KIF13A: variants seen among roughly 807,000 people sequenced by gnomAD.
The protein encoded by KIF13A is kinesin-like protein KIF13A.
In KIF13A, 79 loss-of-function variants were observed where a neutral mutation model predicts 212.2. That is an observed-to-expected ratio of 0.37 (90% CI 0.31 to 0.45). The LOEUF (loss-of-function observed/expected upper bound fraction) is 0.45, where lower values mean the gene tolerates loss of function less well. KIF13A is among the 20% of genes least tolerant of loss of function. KIF13A has a pLI of 1.00. For synonymous variants in KIF13A, 789 were observed against 808.6 expected (o/e 0.98, Z 0.41); for missense variants, 1,901 against 2,209.0 (o/e 0.86, Z 2.79).
chr6:17,912,811 C>T lies in KIF13A; in HGVS notation c.147-14631G>A, dbSNP rs1774189815. On this transcript the variant is annotated intron_variant, in intron 2 of 38. Coordinates refer to ENST00000259711, the MANE Select transcript of KIF13A (RefSeq NM_022113.6). This position sits in a 1 kb window ranked among gnomAD's most constrained non-coding sequence, Gnocchi z 4.2. Reference sequence around the variant, plus strand: ...TCATGGTATCCTCCCTGTCCAGGTACTGGCCTCTGAACAGAGAAACTCCAA... The same window carrying T: ...TCATGGTATCCTCCCTGTCCAGGTATTGGCCTCTGAACAGAGAAACTCCAA... Among the ~76,000 whole-genome samples the T allele has an allele frequency of 6.6e-6, 1 of 152,186 alleles. No individual in the cohort carries two copies. The highest frequency in any genetic ancestry group is 2.1e-4 in the South Asian group (1 of 4,830).
In KIF13A at chr6:17,771,218, T is replaced by C. The variant is rs1051708893; in HGVS notation, c.4477A>G (p.Ser1493Gly). 6.8e-6 allele frequency: 11 copies of C among 1,607,364 alleles called. No individual in the cohort carries two copies. The African/African-American group carries it at 1.3e-4, about 20-fold the overall frequency. Residue 1493 changes from serine (S) to glycine (G), a missense_variant and splice_region_variant, in exon 38 of 39, where the codon AGC (serine) becomes GGC (glycine). Coordinates refer to ENST00000259711, the MANE Select transcript of KIF13A (RefSeq NM_022113.6). The surrounding 1 kb of genome is among the most constrained non-coding windows in gnomAD (Gnocchi z 5.4). ...TTATGTGCCTGAGGTGGAGGCATGC[T>C]CTGCAAAGGTTAAGACACACAGATG... Reference protein sequence around the residue: ...LEARPLLSQESMPPPQAHNPG... With the variant: ...LEARPLLSQEGMPPPQAHNPG...
intron 2 of KIF13A, among the ~76,000 whole-genome samples, chr6:17,962,584 C>T (rs1159301040): frequency 1.3e-5 from 2 of 152,094 alleles, no homozygotes; most frequent in African/African-American, 2.4e-5. Context: ...ACCATCTGTA[C>T]CGGCCCTGCC....
chr6:17,842,561 A>G (rs1766627315), intron 9 of KIF13A, among the ~76,000 whole-genome samples: 1 of 152,356 alleles, frequency 6.6e-6, no homozygotes, highest in African/African-American at 2.4e-5. Context: ...ATTCTACTAA[A>G]GCACAGCTCC....
intron 2 of KIF13A, among the ~76,000 whole-genome samples, chr6:17,944,515 T>C (rs980058679): frequency 1.8e-4 from 27 of 152,120 alleles, no homozygotes; most frequent in Non-Finnish European, 1.5e-5. Flanking sequence ...CAACTCCAAT[T>C]GCACACACAT....
chr6:17,835,283 C>G (rs1765850895), intron 11 of KIF13A, among the ~76,000 whole-genome samples: 1 of 143,576 alleles, frequency 7.0e-6, no homozygotes, highest in Admixed American at 7.2e-5. Context: ...GTGGCTGGCT[C>G]TTCTTCTGTT....
At chr6:17,921,395 C>T (rs1775055588) in intron 2 of KIF13A, among the ~76,000 whole-genome samples, 1 of 152,218 alleles carries the variant, frequency 6.6e-6, no homozygotes, top group African/African-American at 2.4e-5. Context: ...AAAATAGACT[C>T]ACAGTCTTCA....
chr6:17,977,130 A>G (rs975466990), intron 2 of KIF13A, among the ~76,000 whole-genome samples: 11 of 151,348 alleles, frequency 7.3e-5, no homozygotes, highest in African/African-American at 2.4e-4. Flanking sequence ...AAAAAAAAAA[A>G]AAAAAAGAAA....
In KIF13A at chr6:17,873,122, AG is replaced by A. The variant is rs1417968925; in HGVS notation, c.220+254del. 5.1e-5 allele frequency: 19 copies of A among 371,952 alleles called. No individual in the cohort carries two copies. The East Asian group carries it at 8.6e-4, about 17-fold the overall frequency. 23.0% of individuals were successfully genotyped at this position (371,952 alleles called of 1,614,324 possible). A position where few individuals can be genotyped will look rare whatever the true frequency, so the allele number is the denominator to read the frequency against. Reference sequence around the variant, plus strand: ...GCAGTCATTTGTGTTGGATGGAATGAGGATAAAATACCACAAGGAGGTCAGG... The same window carrying A: ...GCAGTCATTTGTGTTGGATGGAATGAGATAAAATACCACAAGGAGGTCAGG... On this transcript the variant is annotated intron_variant, in intron 4 of 38. Coordinates refer to ENST00000259711, the MANE Select transcript of KIF13A (RefSeq NM_022113.6).
At position 17,843,559 on chromosome 6, in the gene KIF13A, GT is replaced by G. The variant is rs1178966958; in HGVS notation, c.830+5817del. 6.6e-6 allele frequency among the ~76,000 whole-genome samples: 1 copy of G among 152,196 alleles called. No individual in the cohort carries two copies. Among genetic ancestry groups the G allele is most frequent in the African/African-American group, 2.4e-5 (1 of 41,442 alleles). ...TTTGTACCACAGATATGGATACGAT[GT>G]TTGGAATGATAGAGCTATCCTGAGA... On this transcript the variant is annotated intron_variant, in intron 9 of 38. Coordinates refer to ENST00000259711, the MANE Select transcript of KIF13A (RefSeq NM_022113.6). The surrounding 1 kb of genome is among the most constrained non-coding windows in gnomAD (Gnocchi z 5.3).
intron 4 of KIF13A, among the ~76,000 whole-genome samples, chr6:17,857,373 G>A (rs1395412487): frequency 6.6e-6 from 1 of 152,196 alleles, no homozygotes; most frequent in Non-Finnish European, 1.5e-5. Context: ...CTGTTCTCAT[G>A]ATAGTGAGTT....
chr6:17,921,840 A>T (rs1775102615), intron 2 of KIF13A, among the ~76,000 whole-genome samples: 1 of 152,178 alleles, frequency 6.6e-6, no homozygotes, highest in Non-Finnish European at 1.5e-5. Flanking sequence ...CCCCCAGTAG[A>T]AGTTTTGTTT....
At chr6:17,775,089 T>C in intron 34 of KIF13A, 27 bp from the exon 35 acceptor site, 7 of 1,590,998 alleles carry the variant, frequency 4.4e-6, no homozygotes, top group Non-Finnish European at 6.0e-6. Flanking sequence ...GTTTTAGCAA[T>C]GTGGTTTATA....
chr6:17,760,799 A>G, downstream of KIF13A: 1 of 1,580,864 alleles, frequency 6.3e-7, no homozygotes, highest in South Asian at 1.1e-5. Context: ...TGCTTGCCCA[A>G]GGTGACCAGG....
In KIF13A at chr6:17,817,268, T is replaced by A. The variant is rs1234849954; in HGVS notation, c.1787-35A>T. 1.9e-6 allele frequency: 3 copies of A among 1,586,906 alleles called. No individual in the cohort carries two copies. The East Asian group carries it at 6.7e-5, about 36-fold the overall frequency. The stretch of plus-strand genomic sequence containing the variant: ...CAAGAGACAAGGCAAGGTGTCTTAG[T>A]GGCGGCTAAAACAAGCATTCATGCC... On this transcript the variant is annotated intron_variant, in intron 16 of 38. Coordinates refer to ENST00000259711, the MANE Select transcript of KIF13A (RefSeq NM_022113.6).
Position 17,774,568 on chromosome 6 carries a change from G to A in KIF13A, c.4218+447C>T, listed in dbSNP as rs148357732. Among the ~76,000 whole-genome samples the A allele has an allele frequency of 6.4e-3, 977 of 152,296 alleles. 7 individuals are homozygous for A. The highest frequency in any genetic ancestry group is 0.014 in the Middle Eastern group (4 of 294). On this transcript the variant is annotated intron_variant, in intron 35 of 38. Transcript: ENST00000259711. ...GCGGATCGATCACCTGAGGTCAGAAGTTCGAGACCATCCTGGCCAACATGG... is the reference window on the plus strand; with the variant it reads ...GCGGATCGATCACCTGAGGTCAGAAATTCGAGACCATCCTGGCCAACATGG...
At chr6:17,976,783 CAG>C (rs1398252742) in intron 2 of KIF13A, among the ~76,000 whole-genome samples, 6 of 140,340 alleles carry the variant, frequency 4.3e-5, no homozygotes, top group Non-Finnish European at 9.1e-5. Context: ...TCCTGGGCAA[CAG>C]AGCAAGACTC....
At chr6:17,796,522 G>A (rs1158313512) in intron 23 of KIF13A, 147 bp downstream of exon 23, 2 of 473,886 alleles carry the variant, frequency 4.2e-6, no homozygotes, top group East Asian at 3.9e-5. Context: ...TTACAGGCAT[G>A]AGCCACCGCA....
At position 17,837,053 on chromosome 6, in the gene KIF13A, G is replaced by T; in HGVS notation, c.980C>A (p.Ala327Asp). 6.2e-7 allele frequency: 1 copy of T among 1,613,936 alleles called. No individual in the cohort carries two copies. Among genetic ancestry groups the T allele is most frequent in the Non-Finnish European group, 8.5e-7 (1 of 1,179,882 alleles). ...GTTGTCTGCGGCTGGGCTGATTGTG[G>T]CTATCATAGAGGTTTGGCTGTTGCC... ...LGGNSQTSMI[A>D]TISPAADNYE... The change falls in exon 11 of 39, where the codon GCC (alanine) becomes GAC (aspartate). Residue 327 changes from alanine to aspartate, a missense_variant. Transcript: ENST00000259711. This position sits in a 1 kb window ranked among gnomAD's most constrained non-coding sequence, Gnocchi z 5.4.
intron 2 of KIF13A, among the ~76,000 whole-genome samples, chr6:17,932,870 T>G (rs1776128845): frequency 6.6e-6 from 1 of 151,654 alleles, no homozygotes; most frequent in Non-Finnish European, 1.5e-5. Flanking sequence ...TTTGGCCAAA[T>G]TATTTTTCCA....
Sources: gnomAD v4.1 joint callset for allele counts (sites outside exome capture counted in the v4.1 genomes callset) on GRCh38, gnomAD v4.1.1 for gene constraint, Gnocchi (gnomAD v3.1) non-coding constraint, MANE v1.5 for transcripts, NCBI Gene and HGNC (gene_info 2026-07-23, HGNC 2026-07-21) for gene names.